The following C3orf20 variants were observed in gnomAD, a reference collection of about 807,000 sequenced individuals.
C3orf20 encodes uncharacterized protein C3orf20.
A neutral mutation model predicts 88.3 loss-of-function variants in C3orf20; 76 were observed. That is an observed-to-expected ratio of 0.86 (90% CI 0.72 to 1.04). C3orf20 has a LOEUF of 1.04. C3orf20 is among the 50% of genes least tolerant of loss of function. C3orf20 has a pLI of 0.00. For synonymous variants in C3orf20, 436 were observed against 437.4 expected (o/e 1.00, Z 0.04); for missense variants, 1,056 against 1,123.3 (o/e 0.94, Z 0.86).
intron 9 of C3orf20, among the ~76,000 whole-genome samples, chr3:14,720,880 A>C (rs2034132346): frequency 6.6e-6 from 1 of 152,210 alleles, no homozygotes; most frequent in South Asian, 2.1e-4. Context: ...CAATGATTTC[A>C]TGTGGAAGAA....
At chr3:14,713,081 C>T (rs1463318393) in intron 7 of C3orf20, among the ~76,000 whole-genome samples, 7 of 152,040 alleles carry the variant, frequency 4.6e-5, no homozygotes, top group Non-Finnish European at 7.4e-5. Flanking sequence ...TTTCAAGATT[C>T]CCTCTTTGTA....
At position 14,682,653 on chromosome 3, in the gene C3orf20, G is replaced by A. The variant is rs772339287; in HGVS notation, c.-61G>A. The A allele has an allele frequency of 6.7e-5, 104 of 1,542,802 alleles. No individual in the cohort carries two copies. The highest frequency in any genetic ancestry group is 8.6e-5 in the Non-Finnish European group (99 of 1,147,408). On this transcript the variant is annotated 5_prime_UTR_variant, in exon 3 of 17. Coordinates refer to ENST00000253697, the MANE Select transcript of C3orf20 (RefSeq NM_032137.5). ...TCCATCTCCAAGCCTTCACCGTAGGGAAGAACTTTTGCTCTCAGTCACCTC... is the reference window on the plus strand; with the variant it reads ...TCCATCTCCAAGCCTTCACCGTAGGAAAGAACTTTTGCTCTCAGTCACCTC...
intron 13 of C3orf20, among the ~76,000 whole-genome samples, chr3:14,759,528 C>T (rs536789689): frequency 2.6e-5 from 4 of 152,254 alleles, no homozygotes; most frequent in Admixed American, 6.5e-5. Context: ...AGCCTGGAAA[C>T]GGGTCCACCT....
At chr3:14,730,532 G>C (rs1489413740) in intron 12 of C3orf20, among the ~76,000 whole-genome samples, 1 of 151,976 alleles carries the variant, frequency 6.6e-6, no homozygotes, top group Non-Finnish European at 1.5e-5. Context: ...GGGTGACAGA[G>C]CGAGACTGTG....
chr3:14,683,682 C>T (rs2032234646), intron 3 of C3orf20, among the ~76,000 whole-genome samples: 1 of 151,912 alleles, frequency 6.6e-6, no homozygotes, highest in African/African-American at 2.4e-5. Flanking sequence ...TCGAGACCAG[C>T]CCGGCCAATA....
intron 7 of C3orf20, among the ~76,000 whole-genome samples, chr3:14,704,914 C>T (rs1166081931): frequency 6.6e-6 from 1 of 152,212 alleles, no homozygotes; most frequent in Non-Finnish European, 1.5e-5. Context: ...CCTTTGAGAA[C>T]CTCTCAGTTG....
chr3:14,752,354 C>T (rs1193034203), intron 12 of C3orf20, among the ~76,000 whole-genome samples: 2 of 152,050 alleles, frequency 1.3e-5, no homozygotes, highest in Non-Finnish European at 2.9e-5. Context: ...AAGACTTAAA[C>T]GTAAGACCTA....
chr3:14,729,213 G>T (rs1397918302), intron 12 of C3orf20, among the ~76,000 whole-genome samples: 1 of 152,154 alleles, frequency 6.6e-6, no homozygotes, highest in Admixed American at 6.5e-5. Flanking sequence ...GATAGAGAGT[G>T]GCTGGAAAGT....
rs141526368 is a variant in C3orf20, at chr3:14,713,386, G to A, written c.1161-621G>A. ...TGCTTTCATTCTGAAATGCTTCTGTGTCTGGAGTACTGCTTGTGAAATTCC... is the reference window on the plus strand; with the variant it reads ...TGCTTTCATTCTGAAATGCTTCTGTATCTGGAGTACTGCTTGTGAAATTCC... On this transcript the variant is annotated intron_variant, in intron 7 of 16. Transcript: ENST00000253697. 2.2e-4 allele frequency among the ~76,000 whole-genome samples: 33 copies of A among 152,120 alleles called. No individual in the cohort carries two copies. The East Asian group carries it at 5.8e-3, about 27-fold the overall frequency.
chr3:14,728,795 T>C, intron 12 of C3orf20, 107 bp downstream of exon 12: 2 of 1,097,238 alleles, frequency 1.8e-6, no homozygotes, highest in South Asian at 3.1e-5. Flanking sequence ...GAGCTTAAAT[T>C]CCAAGGGCAA....
intron 12 of C3orf20, among the ~76,000 whole-genome samples, chr3:14,746,662 T>C (rs2035066903): frequency 6.6e-6 from 1 of 152,148 alleles, no homozygotes; most frequent in African/African-American, 2.4e-5. Context: ...GGGAAGGTGA[T>C]GCAGTCAAAG....
intron 12 of C3orf20, among the ~76,000 whole-genome samples, chr3:14,740,598 T>TA (rs1385981998): frequency 5.3e-5 from 8 of 152,224 alleles, no homozygotes; most frequent in East Asian, 1.9e-4. Flanking sequence ...ATTCAATTTC[T>TA]AAAAAAACAC....
At chr3:14,725,946 G>A (rs907698518) in intron 10 of C3orf20, among the ~76,000 whole-genome samples, 2 of 152,188 alleles carry the variant, frequency 1.3e-5, no homozygotes, top group African/African-American at 4.8e-5. Flanking sequence ...AGCAGAGGGA[G>A]CAGTTGCTGT....
intron 12 of C3orf20, among the ~76,000 whole-genome samples, chr3:14,741,166 A>G (rs1427459796): frequency 6.6e-6 from 1 of 152,208 alleles, no homozygotes; most frequent in African/African-American, 2.4e-5. Context: ...CAAGGATTGA[A>G]ACTGTGCTTC....
chr3:14,683,306 A>G, intron 3 of C3orf20, 109 bp downstream of exon 3: 1 of 1,373,884 alleles, frequency 7.3e-7, no homozygotes. Context: ...TAGGAATTGG[A>G]TGCCTTCCCT....
intron 5 of C3orf20, among the ~76,000 whole-genome samples, chr3:14,696,848 T>C (rs756745646): frequency 8.5e-5 from 13 of 152,128 alleles, no homozygotes; most frequent in Non-Finnish European, 1.9e-4. Context: ...TAGCATTTCA[T>C]GTAGGAGAGG....
chr3:14,704,702 C>G (rs2033427033), intron 7 of C3orf20, 84 bp downstream of exon 7: 1 of 1,511,468 alleles, frequency 6.6e-7, no homozygotes, highest in African/African-American at 1.4e-5. Context: ...TAAATGTTTC[C>G]TTGGGCCTTT....
intron 7 of C3orf20, among the ~76,000 whole-genome samples, chr3:14,705,055 C>T (rs959035999): frequency 1.3e-5 from 2 of 152,210 alleles, no homozygotes; most frequent in Non-Finnish European, 2.9e-5. Context: ...TTGGATACTT[C>T]ACCTATCAAC....
Position 14,682,808 on chromosome 3 carries a change from G to A in C3orf20, c.95G>A (p.Cys32Tyr). 1 of 1,614,120 alleles carries A rather than the reference G, an allele frequency of 6.2e-7. No individual in the cohort carries two copies. The highest frequency in any genetic ancestry group is 8.5e-7 in the Non-Finnish European group (1 of 1,180,022). The change falls in exon 3 of 17, where the codon TGC becomes TAC. Residue 32 changes from cysteine (C) to tyrosine (Y), a missense_variant. Cys to Tyr is a radical substitution (Grantham distance 194). Coordinates refer to ENST00000253697, the MANE Select transcript of C3orf20 (RefSeq NM_032137.5). ...LARISKLLMI[C>Y]QNAGISVPKG... ...CGCATCTCCAAACTCCTCATGATCT[G>A]CCAGAATGCAGGCATTTCTGTACCA...
Sources: allele counts gnomAD v4.1 joint callset (sites outside exome capture counted in the v4.1 genomes callset), GRCh38; gene constraint gnomAD v4.1.1; transcripts MANE v1.5; gene names NCBI Gene and HGNC (gene_info 2026-07-23, HGNC 2026-07-21).